EFCAB11: variants seen among roughly 807,000 people sequenced by gnomAD.
EFCAB11 encodes EF-hand calcium-binding domain-containing protein 11.
Under a neutral mutation model 23.0 loss-of-function variants are expected in EFCAB11, and 14 were observed. The observed-to-expected ratio is 0.61, with a 90% CI of 0.40 to 0.95. The LOEUF (loss-of-function observed/expected upper bound fraction) is 0.95, where lower values mean the gene tolerates loss of function less well. Among genes scored for constraint, EFCAB11 ranks in the 40% least tolerant of loss-of-function variants. The probability of loss-of-function intolerance (pLI) is 0.00; values close to 1 mark genes in which losing one functional copy is unlikely to be tolerated. For missense variants in EFCAB11, 198 were observed against 195.8 expected (o/e 1.01, Z -0.07); for synonymous variants, 65 against 66.6 (o/e 0.98, Z 0.11).
At chr14:89,895,327 AAC>A (rs1406748695) in intron 5 of EFCAB11, among the ~76,000 whole-genome samples, 3 of 152,210 alleles carry the variant, frequency 2.0e-5, no homozygotes, top group African/African-American at 2.4e-5. Flanking sequence ...TCGAAATCTG[AAC>A]AGTTTCTGGT....
At chr14:89,905,554 G>A (rs1188657273) in intron 5 of EFCAB11, among the ~76,000 whole-genome samples, 1 of 152,188 alleles carries the variant, frequency 6.6e-6, no homozygotes, top group Non-Finnish European at 1.5e-5. Flanking sequence ...CTCATGCTGA[G>A]GAAGGGACAG....
chr14:89,954,719 G>C lies in EFCAB11; in HGVS notation c.-59C>G, dbSNP rs1037892282. 4.4e-6 allele frequency: 7 copies of C among 1,574,644 alleles called. No individual in the cohort carries two copies. The highest frequency in any genetic ancestry group is 2.7e-5 in the African/African-American group (2 of 73,934). On this transcript the variant is annotated 5_prime_UTR_variant, in exon 1 of 6. Coordinates refer to ENST00000316738, the MANE Select transcript of EFCAB11 (RefSeq NM_145231.4). ...CCAGCTACCACCGCTTTCCCAGCCT[G>C]GCTGGCAGCCTACCGCGGCCACGCC...
intron 5 of EFCAB11, among the ~76,000 whole-genome samples, chr14:89,870,258 A>G (rs1818439401): frequency 6.6e-6 from 1 of 152,210 alleles, no homozygotes; most frequent in Non-Finnish European, 1.5e-5. Flanking sequence ...AAAATACCAG[A>G]GCACTTAGTC....
At chr14:89,833,258 G>A (rs1275213829) in intron 5 of EFCAB11, 1 of 151,592 alleles carries the variant, frequency 6.6e-6, no homozygotes, top group African/African-American at 2.4e-5. Flanking sequence ...CAGATGGAAT[G>A]AAATGATATG....
chr14:89,925,644 C>CTTT, intron 5 of EFCAB11, among the ~76,000 whole-genome samples: 1 of 119,528 alleles, frequency 8.4e-6, no homozygotes, highest in Admixed American at 8.5e-5. Context: ...AGTTATGTTT[C>CTTT]TTTCTTTTTT....
chr14:89,810,343 T>C (rs1265933355), intron 5 of EFCAB11, among the ~76,000 whole-genome samples: 1 of 152,242 alleles, frequency 6.6e-6, no homozygotes, highest in Non-Finnish European at 1.5e-5. Context: ...GATCCTGCTA[T>C]TTAAATGTAA....
At chr14:89,829,794 A>G (rs531436313) in intron 5 of EFCAB11, 1 of 152,242 alleles carries the variant, frequency 6.6e-6, no homozygotes, top group Non-Finnish European at 1.5e-5. Flanking sequence ...AGCAAACACC[A>G]AACACCTTAA....
At chr14:89,842,632 G>A (rs62805960) in intron 5 of EFCAB11, among the ~76,000 whole-genome samples, 610 of 21,148 alleles carry the variant, frequency 0.029, 4 homozygotes, top group African/African-American at 0.061. Context: ...GATATGATAT[G>A]ATATGATATA....
intron 5 of EFCAB11, among the ~76,000 whole-genome samples, chr14:89,906,997 G>A (rs1211070607): frequency 6.6e-6 from 1 of 152,134 alleles, no homozygotes; most frequent in African/African-American, 2.4e-5. Flanking sequence ...GGTTTAGAAA[G>A]AGAGAATCAA....
intron 5 of EFCAB11, among the ~76,000 whole-genome samples, chr14:89,809,863 G>C (rs2140087463): frequency 6.6e-6 from 1 of 152,218 alleles, no homozygotes; most frequent in African/African-American, 2.4e-5. Context: ...AGACTGCAGA[G>C]ACAATTTAGA....
rs71426933 is a variant in EFCAB11, at chr14:89,924,380, A to G, written c.410+7161T>C. ...GTGGCAATCTGCCTGTGCACTCAGG[A>G]TCTTGGACGCTGGGTCAGGGCATGG... is the stretch of plus-strand genomic sequence containing the variant. On this transcript the variant is annotated intron_variant, in intron 5 of 5. Coordinates refer to ENST00000316738, the MANE Select transcript of EFCAB11 (RefSeq NM_145231.4). The G allele has an allele frequency of 4.9e-4, 587 of 1,187,924 alleles. 1 individual carries two copies. The highest frequency in any genetic ancestry group is 6.0e-4 in the Non-Finnish European group (571 of 954,690). The allele number at this position is 1,187,924 out of a possible 1,614,324, so 73.6% of individuals were successfully genotyped here.
intron 5 of EFCAB11, chr14:89,923,542 A>T: frequency 5.2e-6 from 2 of 381,894 alleles, no homozygotes; most frequent in Non-Finnish European, 7.2e-6. Context: ...CAAGAAGTCT[A>T]CTTCTTCGGT....
chr14:89,822,411 T>C (rs765353704), intron 5 of EFCAB11, among the ~76,000 whole-genome samples: 12 of 152,218 alleles, frequency 7.9e-5, no homozygotes, highest in Non-Finnish European at 1.3e-4. Context: ...TAAAAGAAGA[T>C]AGACTTTGAG....
intron 5 of EFCAB11, among the ~76,000 whole-genome samples, chr14:89,893,786 AAAAC>A (rs1424918247): frequency 4.4e-4 from 66 of 151,278 alleles, no homozygotes; most frequent in Admixed American, 1.4e-3. Flanking sequence ...CCAAAAAAAA[AAAAC>A]AAACAAACAA....
At chr14:89,934,897 A>G (rs1890525760) in intron 3 of EFCAB11, among the ~76,000 whole-genome samples, 1 of 152,020 alleles carries the variant, frequency 6.6e-6, no homozygotes, top group African/African-American at 2.4e-5. Context: ...GTCCTAGGAG[A>G]CCCTTCAGAA....
chr14:89,916,191 AT>A (rs1457420763), intron 5 of EFCAB11, among the ~76,000 whole-genome samples: 1 of 149,822 alleles, frequency 6.7e-6, no homozygotes, highest in East Asian at 1.9e-4. Flanking sequence ...AAAACAACAA[AT>A]TTGTGGATAC....
rs542323239 is a variant in EFCAB11 at position 89,907,888 on chromosome 14, G to A, written c.410+23653C>T. 2.6e-5 allele frequency among the ~76,000 whole-genome samples: 4 copies of A among 152,244 alleles called. No homozygotes were observed. In the South Asian group the frequency reaches 8.3e-4, roughly 32 times the overall value. On this transcript the variant is annotated intron_variant, in intron 5 of 5. Transcript: ENST00000316738. ...TACCTGTTGCCTCGTCAGTAAAATG[G>A]GAACAATCACAGTAGCCACCTCATG...
At chr14:89,930,200 CAAT>C (rs776740718) in intron 5 of EFCAB11, among the ~76,000 whole-genome samples, 8 of 152,196 alleles carry the variant, frequency 5.3e-5, no homozygotes, top group Non-Finnish European at 1.0e-4. Context: ...GCTTGCTTGT[CAAT>C]GATGCAGCAA....
intron 5 of EFCAB11, among the ~76,000 whole-genome samples, chr14:89,915,608 G>C (rs1889816589): frequency 6.6e-6 from 1 of 152,148 alleles, no homozygotes. Flanking sequence ...TTCTTTGTCA[G>C]TCAAATAAAT....
Sources: gnomAD v4.1 joint callset for allele counts (sites outside exome capture counted in the v4.1 genomes callset) on GRCh38, gnomAD v4.1.1 for gene constraint, MANE v1.5 for transcripts, NCBI Gene and HGNC (gene_info 2026-07-23, HGNC 2026-07-21) for gene names.